Variants in PTCSC3 observed in about 807,000 individuals in gnomAD.
PTCSC3 encodes papillary thyroid carcinoma susceptibility candidate 3.
intron 3 of PTCSC3, among the ~76,000 whole-genome samples, chr14:36,136,877 T>G (rs1168799392): frequency 6.6e-6 from 1 of 152,208 alleles, no homozygotes; most frequent in South Asian, 2.1e-4. Flanking sequence ...TGGCTAGAAG[T>G]TTTTCATTTG....
chr14:36,155,390 G>A (rs1160844753), intron 2 of PTCSC3, among the ~76,000 whole-genome samples: 1 of 152,080 alleles, frequency 6.6e-6, no homozygotes, highest in Non-Finnish European at 1.5e-5. Context: ...TAAGTAGCTG[G>A]TTGCTACCCC....
At chr14:36,159,783 A>G (rs560672209) in intron 2 of PTCSC3, among the ~76,000 whole-genome samples, 1 of 152,262 alleles carries the variant, frequency 6.6e-6, no homozygotes, top group Admixed American at 6.5e-5. Context: ...GCTGAGTTAA[A>G]GTCCTGAATA....
chr14:36,137,836 T>C (rs1024998894), intron 3 of PTCSC3, among the ~76,000 whole-genome samples: 8 of 152,216 alleles, frequency 5.3e-5, no homozygotes, highest in African/African-American at 1.7e-4. Flanking sequence ...TTTAGATGTT[T>C]ATTGGTGAGA....
chr14:36,146,220 T>G (rs898255719), intron 3 of PTCSC3, among the ~76,000 whole-genome samples: 1 of 144,430 alleles, frequency 6.9e-6, no homozygotes, highest in Non-Finnish European at 1.5e-5. Flanking sequence ...GTATCCTTGT[T>G]AACTTTCTGT....
chr14:36,163,052 C>G (rs1882002795), intron 1 of PTCSC3, among the ~76,000 whole-genome samples: 1 of 151,080 alleles, frequency 6.6e-6, no homozygotes, highest in East Asian at 1.9e-4. Flanking sequence ...AAATCTGAAG[C>G]AAGAGTACTT....
chr14:36,156,811 C>A (rs561051634), intron 2 of PTCSC3, among the ~76,000 whole-genome samples: 209 of 152,238 alleles, frequency 1.4e-3, no homozygotes, highest in African/African-American at 4.9e-3. Flanking sequence ...TCCAGTCTAT[C>A]ATTGATGGGC....
intron 3 of PTCSC3, among the ~76,000 whole-genome samples, chr14:36,142,499 T>C (rs990176120): frequency 6.6e-6 from 1 of 152,196 alleles, no homozygotes; most frequent in East Asian, 1.9e-4. Flanking sequence ...CCTATTAGAA[T>C]AAATTAGTAA....
At chr14:36,163,348 C>T (rs1474436492) in intron 1 of PTCSC3, among the ~76,000 whole-genome samples, 1 of 151,950 alleles carries the variant, frequency 6.6e-6, no homozygotes, top group Non-Finnish European at 1.5e-5. Context: ...ATATTTTTTA[C>T]CTCTTCTCAC....
chr14:36,147,986 G>A (rs1252980200), intron 3 of PTCSC3, among the ~76,000 whole-genome samples: 3 of 152,162 alleles, frequency 2.0e-5, no homozygotes, highest in Non-Finnish European at 4.4e-5. Flanking sequence ...GGGGTCAGGG[G>A]TCAGGGACCC....
intron 3 of PTCSC3, among the ~76,000 whole-genome samples, chr14:36,146,446 T>G (rs1425773897): frequency 6.6e-6 from 1 of 151,470 alleles, no homozygotes; most frequent in African/African-American, 2.4e-5. Context: ...TGATCTTTGT[T>G]GGTTTAAAGT....
chr14:36,143,984 C>T (rs1335198628), intron 3 of PTCSC3, among the ~76,000 whole-genome samples: 3 of 152,082 alleles, frequency 2.0e-5, no homozygotes, highest in Non-Finnish European at 4.4e-5. Flanking sequence ...TGTGGCGTTA[C>T]TTCTGAGGGC....
chr14:36,163,587 A>G (rs1882020980), intron 1 of PTCSC3, among the ~76,000 whole-genome samples: 1 of 152,242 alleles, frequency 6.6e-6, no homozygotes, highest in African/African-American at 2.4e-5. Flanking sequence ...GGCTGAAAAC[A>G]TGTTTAGAAC....
At chr14:36,168,321 A>G (rs1230992273) in intron 1 of PTCSC3, among the ~76,000 whole-genome samples, 1 of 147,376 alleles carries the variant, frequency 6.8e-6, no homozygotes, top group Non-Finnish European at 1.5e-5. Flanking sequence ...TTTGCATTCC[A>G]TTAAAACCCA....
rs558944600 is a variant in PTCSC3 at position 36,157,924 on chromosome 14, T to A, written n.232-4030A>T. Among the ~76,000 whole-genome samples the A allele has an allele frequency of 1.7e-3, 255 of 152,352 alleles. 1 individual carries two copies. Among genetic ancestry groups the A allele is most frequent in the African/African-American group, 5.9e-3 (247 of 41,582 alleles). ...CTTTTCCATTTGTTTGTGTCCTCTCTGATTTCCTTGAGCAGTGGTTTGTAG... is the reference window on the plus strand; with the variant it reads ...CTTTTCCATTTGTTTGTGTCCTCTCAGATTTCCTTGAGCAGTGGTTTGTAG... On this transcript the variant is annotated intron_variant and non_coding_transcript_variant, in intron 2 of 3. Coordinates refer to ENST00000556013, the Ensembl canonical transcript of PTCSC3.
chr14:36,169,972 T>C (rs1373962104), intron 1 of PTCSC3, among the ~76,000 whole-genome samples: 1 of 152,148 alleles, frequency 6.6e-6, no homozygotes, highest in African/African-American at 2.4e-5. Flanking sequence ...TCTAGGACCA[T>C]AAGCTCTAGA....
At chr14:36,138,280 A>G (rs989571439) in intron 3 of PTCSC3, among the ~76,000 whole-genome samples, 13 of 152,218 alleles carry the variant, frequency 8.5e-5, no homozygotes, top group Admixed American at 8.5e-4. Flanking sequence ...CTAGAGGAAA[A>G]CAGAAGAATA....
At chr14:36,160,513 T>G (rs2139105601) in intron 2 of PTCSC3, among the ~76,000 whole-genome samples, 1 of 152,354 alleles carries the variant, frequency 6.6e-6, no homozygotes, top group African/African-American at 2.4e-5. Context: ...TATGAAATTC[T>G]GGGTTGAAAA....
chr14:36,152,102 G>A (rs1257916901), intron 3 of PTCSC3, among the ~76,000 whole-genome samples: 1 of 151,998 alleles, frequency 6.6e-6, no homozygotes, highest in African/African-American at 2.4e-5. Flanking sequence ...TGTCAGAGTG[G>A]AAATCATAAG....
At chr14:36,162,792 A>C (rs1881995297) in intron 1 of PTCSC3, 1 of 152,216 alleles carries the variant, frequency 6.6e-6, no homozygotes, top group Admixed American at 6.5e-5. Context: ...AATGCTAAGA[A>C]AATAAGTGAT....
Sources: allele counts gnomAD v4.1 joint callset (sites outside exome capture counted in the v4.1 genomes callset), GRCh38; gene constraint gnomAD v4.1.1; transcripts MANE v1.5; gene names NCBI Gene and HGNC (gene_info 2026-07-23, HGNC 2026-07-21).